Variants in CPA5 observed in about 807,000 individuals in gnomAD.
CPA5 encodes the protein carboxypeptidase A5.
A neutral mutation model predicts 52.2 loss-of-function variants in CPA5; 38 were observed. The observed-to-expected ratio is 0.73, with a 90% CI of 0.56 to 0.95. The LOEUF (loss-of-function observed/expected upper bound fraction) is 0.95, where lower values mean the gene tolerates loss of function less well. CPA5 is among the 40% of genes least tolerant of loss of function. The pLI is 0.00. For synonymous variants in CPA5, 198 were observed against 213.7 expected (o/e 0.93, Z 0.64); for missense variants, 519 against 566.7 (o/e 0.92, Z 0.86).
chr7:130,357,221 A>G (rs1217458813), intron 5 of CPA5, among the ~76,000 whole-genome samples: 1 of 152,218 alleles, frequency 6.6e-6, no homozygotes, highest in Non-Finnish European at 1.5e-5. Flanking sequence ...GAACGTTGTA[A>G]GCAAGCCAAC....
rs782206306 is a variant in CPA5, at chr7:130,346,509, G to T, written c.24G>T (p.Gly8=). MQGTPGG[G]TRPGPSPVDR... ...GCATGCAGGGCACCCCTGGAGGCGG[G>T]ACGCGCCCTGGGCCATCCCCCGTGG... is the stretch of plus-strand genomic sequence containing the variant. Residue 8 remains glycine, a synonymous_variant, in exon 3 of 13, where the codon GGG becomes GGT. Coordinates refer to ENST00000474905, the MANE Select transcript of CPA5 (RefSeq NM_080385.5). 6 of 1,613,654 alleles carry T rather than the reference G, an allele frequency of 3.7e-6. No individual in the cohort carries two copies. Among genetic ancestry groups the T allele is most frequent in the Middle Eastern group, 1.7e-4 (1 of 6,060 alleles).
At chr7:130,365,538 T>C (rs1237474804) in intron 10 of CPA5, among the ~76,000 whole-genome samples, 1 of 152,242 alleles carries the variant, frequency 6.6e-6, no homozygotes, top group African/African-American at 2.4e-5. Context: ...TGCTACAAAT[T>C]ACATTTTTAG....
intron 4 of CPA5, 31 bp from the exon 5 acceptor site, chr7:130,349,944 T>C (rs1554403429): frequency 1.2e-6 from 2 of 1,603,066 alleles, no homozygotes; most frequent in Non-Finnish European, 1.7e-6. Flanking sequence ...CATGGAGTAA[T>C]GCAGCTCTCT....
intron 5 of CPA5, among the ~76,000 whole-genome samples, 171 bp from the exon 6 acceptor site, chr7:130,359,418 G>C (rs1443629002): frequency 6.6e-6 from 1 of 152,218 alleles, no homozygotes; most frequent in South Asian, 2.1e-4. Context: ...CCAGGCAGAA[G>C]AATCAGCCAG....
intron 9 of CPA5, 96 bp from the exon 10 acceptor site, chr7:130,363,323 A>G: frequency 9.8e-7 from 1 of 1,019,522 alleles, no homozygotes. Context: ...TCCCTGCCCC[A>G]CTAGGGTCCC....
downstream of CPA5, among the ~76,000 whole-genome samples, chr7:130,372,008 C>T (rs11973596): frequency 3.3e-5 from 5 of 152,332 alleles, no homozygotes; most frequent in South Asian, 4.1e-4. Context: ...TCCTGCCCAG[C>T]GGCTTTGTGT....
chr7:130,364,178 C>G (rs1474659000), intron 10 of CPA5, among the ~76,000 whole-genome samples: 1 of 151,934 alleles, frequency 6.6e-6, no homozygotes, highest in Non-Finnish European at 1.5e-5. Context: ...TAGGTGCACA[C>G]CACCACACCC....
At chr7:130,373,573 C>T (rs1584846732), downstream of CPA5, among the ~76,000 whole-genome samples, 1 of 152,230 alleles carries the variant, frequency 6.6e-6, no homozygotes. Flanking sequence ...GGCAGGGATC[C>T]AGGGAGTGCA....
chr7:130,367,919 A>C lies in CPA5; in HGVS notation c.1052A>C (p.Lys351Thr). 6.2e-7 allele frequency: 1 copy of C among 1,614,174 alleles called. No homozygotes were observed. ...GTCATCTTGCAGTACGATCTTGCCA[A>C]GGATGCGGTGGAGGCCTTGTATAAG... ...SNQRELYDLA[K>T]DAVEALYKVH... The change falls in exon 12 of 13, where the codon AAG becomes ACG. Residue 351 changes from lysine (K) to threonine (T), a missense_variant. Lys to Thr is a moderately conservative substitution (Grantham distance 78). Coordinates refer to ENST00000474905, the MANE Select transcript of CPA5 (RefSeq NM_080385.5).
chr7:130,363,293 C>T, intron 9 of CPA5, 126 bp from the exon 10 acceptor site: 1 of 730,298 alleles, frequency 1.4e-6, no homozygotes, highest in Non-Finnish European at 2.3e-6. Context: ...CCTGTCCTGG[C>T]AATTCCTTCC....
intron 5 of CPA5, among the ~76,000 whole-genome samples, chr7:130,359,121 T>C (rs782257221): frequency 6.6e-6 from 1 of 152,188 alleles, no homozygotes; most frequent in Non-Finnish European, 1.5e-5. Flanking sequence ...TCAGTGCACA[T>C]GGTTCACCTT....
chr7:130,365,813 C>T lies in CPA5; in HGVS notation c.839-1559C>T, dbSNP rs2302822. ...GCAGACAAAGCCTTCAACCTCCCCC[C>T]GCTCTGCGCATCTGTTGCTGTTTGT... is the stretch of plus-strand genomic sequence containing the variant. On this transcript the variant is annotated intron_variant, in intron 10 of 12. Transcript: ENST00000474905. Among the ~76,000 whole-genome samples the T allele has an allele frequency of 3.3e-4, 50 of 152,404 alleles. No homozygotes were observed. In the East Asian group the frequency reaches 7.7e-3, roughly 23 times the overall value.
In CPA5 at chr7:130,363,493, G is replaced by C. The variant is rs369291774; in HGVS notation, c.822G>C (p.Trp274Cys). 1 of 1,585,860 alleles carries C rather than the reference G, an allele frequency of 6.3e-7. No homozygotes were observed. Among genetic ancestry groups the C allele is most frequent in the Non-Finnish European group, 8.6e-7 (1 of 1,165,754 alleles). The change falls in exon 10 of 13, where the codon TGG becomes TGC. Residue 274 changes from tryptophan (W) to cysteine (C), a missense_variant. Coordinates refer to ENST00000474905, the MANE Select transcript of CPA5 (RefSeq NM_080385.5). ...TCGGCGTGGATCTCAACAGGAACTG[G>C]AAGTCGGGTTTTGGAGGTATGGCAA... ...FCIGVDLNRN[W>C]KSGFGGNGSN...
At chr7:130,371,840 A>C (rs1266598029), downstream of CPA5, among the ~76,000 whole-genome samples, 6 of 151,992 alleles carry the variant, frequency 3.9e-5, no homozygotes, top group Non-Finnish European at 7.4e-5. Flanking sequence ...TATAGGCATG[A>C]GCCACTGCAC....
intron 5 of CPA5, among the ~76,000 whole-genome samples, chr7:130,355,236 C>T (rs1554404910): frequency 6.6e-6 from 1 of 152,184 alleles, no homozygotes; most frequent in East Asian, 1.9e-4. Context: ...AATGCTCCAT[C>T]ACAGAGCCCT....
At chr7:130,368,143 A>G (rs547753302) in intron 12 of CPA5, among the ~76,000 whole-genome samples, 153 bp downstream of exon 12, 1 of 152,390 alleles carries the variant, frequency 6.6e-6, no homozygotes, top group South Asian at 2.1e-4. Flanking sequence ...GTTTCTTGGC[A>G]GCTTTTGTGC....
intron 6 of CPA5, 21 bp downstream of exon 6, chr7:130,359,708 T>C: frequency 1.3e-6 from 2 of 1,535,852 alleles, no homozygotes; most frequent in Non-Finnish European, 1.8e-6. Flanking sequence ...CCGGGCAAGC[T>C]CTGGGCTCTC....
downstream of CPA5, among the ~76,000 whole-genome samples, chr7:130,369,330 C>CA (rs1796263791): frequency 6.6e-6 from 1 of 152,168 alleles, no homozygotes; most frequent in African/African-American, 2.4e-5. Context: ...GTTAAGTAGG[C>CA]ACTTCCCCTA....
At chr7:130,366,314 C>T (rs971047553) in intron 10 of CPA5, among the ~76,000 whole-genome samples, 2 of 152,082 alleles carry the variant, frequency 1.3e-5, no homozygotes, top group Non-Finnish European at 2.9e-5. Flanking sequence ...GATCTCTGGA[C>T]GGTGCCAACA....
Sources: allele counts gnomAD v4.1 joint callset (sites outside exome capture counted in the v4.1 genomes callset), GRCh38; gene constraint gnomAD v4.1.1; transcripts MANE v1.5; gene names NCBI Gene and HGNC (gene_info 2026-07-23, HGNC 2026-07-21).